VSTM4: variants seen among roughly 807,000 people sequenced by gnomAD.
VSTM4 encodes V-set and transmembrane domain-containing protein 4.
A neutral mutation model predicts 36.4 loss-of-function variants in VSTM4; 20 were observed. The ratio of observed to expected loss-of-function variants is 0.55; its 90% confidence interval spans 0.39 to 0.80. The LOEUF is 0.80. Among genes scored for constraint, VSTM4 ranks in the 30% least tolerant of loss-of-function variants. VSTM4 has a pLI of 0.00. For missense variants in VSTM4, 392 were observed against 404.5 expected (o/e 0.97, Z 0.26); for synonymous variants, 182 against 173.9 (o/e 1.05, Z -0.37).
chr10:49,101,001 T>C (rs1052104434), intron 2 of VSTM4, among the ~76,000 whole-genome samples: 2 of 152,182 alleles, frequency 1.3e-5, no homozygotes, highest in Middle Eastern at 3.4e-3. Flanking sequence ...TTAGCTACTA[T>C]ATACCTTATA....
At chr10:49,062,755 G>A (rs1032063522) in intron 5 of VSTM4, among the ~76,000 whole-genome samples, 15 of 152,104 alleles carry the variant, frequency 9.9e-5, no homozygotes, top group African/African-American at 3.4e-4. Flanking sequence ...CTTTTGTCCT[G>A]TAGGTCCTTG....
At position 49,019,453 on chromosome 10, in the gene VSTM4, G is replaced by GT. The variant is rs1843147433; in HGVS notation, c.*196dup. 4 of 588,124 alleles carry GT rather than the reference G, an allele frequency of 6.8e-6. No homozygotes were observed. Among genetic ancestry groups the GT allele is most frequent in the African/African-American group, 3.8e-5 (2 of 52,380 alleles). 36.4% of individuals were successfully genotyped at this position (588,124 alleles called of 1,614,324 possible). A position where few individuals can be genotyped will look rare whatever the true frequency, so the allele number is the denominator to read the frequency against. ...AGGCGCATCTTGTCCCGGGAGATCTGTCAAGAGCTGTGGCCCCGATTCTTT... is the reference window on the plus strand; with the variant it reads ...AGGCGCATCTTGTCCCGGGAGATCTGTTCAAGAGCTGTGGCCCCGATTCTTT... On this transcript the variant is annotated 3_prime_UTR_variant, in exon 8 of 8. Coordinates refer to ENST00000332853, the MANE Select transcript of VSTM4 (RefSeq NM_001031746.5).
intron 7 of VSTM4, among the ~76,000 whole-genome samples, chr10:49,035,610 G>T (rs902381350): frequency 6.3e-5 from 8 of 126,044 alleles, no homozygotes; most frequent in African/African-American, 2.3e-4. Context: ...AAAGTGAGAG[G>T]ATTGCTTGAG....
At chr10:49,084,781 C>T (rs752939620) in intron 3 of VSTM4, among the ~76,000 whole-genome samples, 51 of 152,236 alleles carry the variant, frequency 3.4e-4, no homozygotes, top group Non-Finnish European at 8.8e-5. Context: ...TCTTTAATTG[C>T]TTATGATCAT....
intron 4 of VSTM4, 85 bp from the exon 5 acceptor site, chr10:49,064,821 G>T: frequency 6.9e-7 from 1 of 1,459,564 alleles, no homozygotes; most frequent in Non-Finnish European, 9.5e-7. Flanking sequence ...AATGCCGGGA[G>T]CCAGGTGTTG....
At chr10:49,026,141 T>C (rs1843257710) in intron 7 of VSTM4, among the ~76,000 whole-genome samples, 1 of 152,122 alleles carries the variant, frequency 6.6e-6, no homozygotes, top group African/African-American at 2.4e-5. Flanking sequence ...AACTAGATCT[T>C]AAGACAGAGA....
At chr10:49,114,725 C>A (rs1040188671) in intron 1 of VSTM4, among the ~76,000 whole-genome samples, 10 of 152,168 alleles carry the variant, frequency 6.6e-5, no homozygotes, top group African/African-American at 2.4e-4. Context: ...TTATTCCAGC[C>A]AGTACGGCCC....
intron 5 of VSTM4, among the ~76,000 whole-genome samples, chr10:49,048,813 T>C (rs968281153): frequency 6.6e-6 from 1 of 152,144 alleles, no homozygotes; most frequent in African/African-American, 2.4e-5. Flanking sequence ...GTTGAGCCAG[T>C]TGGTGATTTA....
chr10:49,049,435 G>GGAGTTCGCAAACTTTCTT (rs1481063023), intron 5 of VSTM4, among the ~76,000 whole-genome samples: 1 of 152,116 alleles, frequency 6.6e-6, no homozygotes, highest in Non-Finnish European at 1.5e-5. Context: ...CTCATGGGCT[G>GGAGTTCGCAAACTTTCTT]GAGTTCGCAA....
chr10:49,045,620 G>A (rs1463269857), intron 7 of VSTM4, among the ~76,000 whole-genome samples: 1 of 152,156 alleles, frequency 6.6e-6, no homozygotes, highest in East Asian at 1.9e-4. Flanking sequence ...TGGAGGTGGA[G>A]CTCAACTCTC....
At chr10:49,026,340 G>C (rs1172277152) in intron 7 of VSTM4, among the ~76,000 whole-genome samples, 1 of 152,198 alleles carries the variant, frequency 6.6e-6, no homozygotes, top group Non-Finnish European at 1.5e-5. Context: ...TGTGGGGCAA[G>C]AGTTGTTCCC....
chr10:49,070,207 C>T (rs1675735705), intron 4 of VSTM4, among the ~76,000 whole-genome samples: 1 of 58,632 alleles, frequency 1.7e-5, no homozygotes. Context: ...GAGCCGAGAT[C>T]CCGCCACTGC....
chr10:49,075,983 C>T (rs960067750), intron 4 of VSTM4, among the ~76,000 whole-genome samples: 4 of 152,208 alleles, frequency 2.6e-5, no homozygotes, highest in African/African-American at 9.6e-5. Flanking sequence ...GGTGACACCT[C>T]TCCCAAAGCT....
Position 49,115,170 on chromosome 10 carries a change from C to T in VSTM4, c.55+261G>A, listed in dbSNP as rs548800600. On this transcript the variant is annotated intron_variant, in intron 1 of 7. Coordinates refer to ENST00000332853, the MANE Select transcript of VSTM4 (RefSeq NM_001031746.5). The stretch of plus-strand genomic sequence containing the variant: ...CCTGCCGCTGGGAAGATCTCGGCTG[C>T]TGCGAGAGTACCCAGCCCCAGGCGA... 7.7e-3 allele frequency among the ~76,000 whole-genome samples: 1,175 copies of T among 152,158 alleles called. 19 individuals carry two copies. The highest frequency in any genetic ancestry group is 0.027 in the African/African-American group (1,126 of 41,538).
intron 5 of VSTM4, among the ~76,000 whole-genome samples, chr10:49,059,407 A>G (rs1301846144): frequency 6.6e-6 from 1 of 152,202 alleles, no homozygotes; most frequent in Non-Finnish European, 1.5e-5. Context: ...CATTTATCCC[A>G]GGGCTGAGGG....
rs1011114781 is a variant in VSTM4, at chr10:49,064,746, G to C, written c.635-10C>G. ...ACCAAATAATGTCTCACTGTGAAAGGAAAAATAATAGAAGATGGTAAACCA... is the reference window on the plus strand; with the variant it reads ...ACCAAATAATGTCTCACTGTGAAAGCAAAAATAATAGAAGATGGTAAACCA... On this transcript the variant is annotated splice_polypyrimidine_tract_variant and intron_variant, in intron 4 of 7. Coordinates refer to ENST00000332853, the MANE Select transcript of VSTM4 (RefSeq NM_001031746.5). 2 of 1,611,212 alleles carry C rather than the reference G, an allele frequency of 1.2e-6. No homozygotes were observed.
chr10:49,038,023 G>A (rs1473945538), intron 7 of VSTM4, among the ~76,000 whole-genome samples: 1 of 151,890 alleles, frequency 6.6e-6, no homozygotes, highest in African/African-American at 2.4e-5. Flanking sequence ...ATGTAAAATG[G>A]TGCAGCTGAT....
At chr10:49,066,805 AACAG>A (rs1322383538) in intron 4 of VSTM4, among the ~76,000 whole-genome samples, 1 of 152,176 alleles carries the variant, frequency 6.6e-6, no homozygotes, top group African/African-American at 2.4e-5. Context: ...AAAATATTTT[AACAG>A]ACACTTATGA....
chr10:49,078,928 T>C (rs562346996), intron 3 of VSTM4, among the ~76,000 whole-genome samples: 1 of 151,774 alleles, frequency 6.6e-6, no homozygotes, highest in South Asian at 2.1e-4. Flanking sequence ...TCCTCTCAGG[T>C]TCAAGCATTT....
Sources: gnomAD v4.1 joint callset for allele counts (sites outside exome capture counted in the v4.1 genomes callset) on GRCh38, gnomAD v4.1.1 for gene constraint, MANE v1.5 for transcripts, NCBI Gene and HGNC (gene_info 2026-07-23, HGNC 2026-07-21) for gene names.